Variants in SDK1 observed in about 807,000 individuals in gnomAD.
SDK1 encodes the protein sidekick cell adhesion molecule 1, also known as protein sidekick-1.
A neutral mutation model predicts 245.5 loss-of-function variants in SDK1; 157 were observed. The observed-to-expected ratio is 0.64, with a 90% CI of 0.56 to 0.73. The LOEUF is 0.73. SDK1 is among the 30% of genes least tolerant of loss of function. The pLI, the probability that SDK1 is intolerant of heterozygous loss-of-function variation, is 0.00. For missense variants in SDK1, 3,583 were observed against 3,002.3 expected, an observed-to-expected ratio of 1.19 and a Z score of -4.52; for synonymous variants, 1,647 against 1,278.5, an observed-to-expected ratio of 1.29 and a Z score of -6.15.
intron 28 of SDK1, chr7:4,134,616 C>G (rs1225277144): frequency 6.6e-6 from 1 of 152,344 alleles, no homozygotes; most frequent in Non-Finnish European, 1.5e-5. Flanking sequence ...CAACAGTGTT[C>G]CCCGTGAAGA....
In SDK1 at chr7:4,205,979, C is replaced by T; in HGVS notation, c.5199C>T (p.Asn1733=). 4 of 1,551,604 alleles carry T rather than the reference C, an allele frequency of 2.6e-6. No individual in the cohort carries two copies. The highest frequency in any genetic ancestry group is 2.6e-6 in the Non-Finnish European group (3 of 1,147,418). Reference sequence around the variant, plus strand: ...CACCCCCGGAGAGCCAGAATGGGAACATCCAAGGCTACAAGGCAAGGCCCT... The same window carrying T: ...CACCCCCGGAGAGCCAGAATGGGAATATCCAAGGCTACAAGGCAAGGCCCT... ...DPPPPESQNG[N]IQGYKIYYWE... Residue 1733 remains asparagine, a synonymous_variant, in exon 36 of 45, where the codon AAC becomes AAT. Transcript: ENST00000404826.
At chr7:3,646,346 G>T (rs1469672778) in intron 4 of SDK1, among the ~76,000 whole-genome samples, 1 of 151,800 alleles carries the variant, frequency 6.6e-6, no homozygotes, top group Non-Finnish European at 1.5e-5. Context: ...AAGGGAAACA[G>T]TAAGTCTAAT....
chr7:3,935,409 A>C (rs151052432), intron 5 of SDK1, among the ~76,000 whole-genome samples: 119 of 152,378 alleles, frequency 7.8e-4, no homozygotes, highest in African/African-American at 2.7e-3. Context: ...ACTCTTCTGT[A>C]TCAAAGGACA....
At position 3,819,823 on chromosome 7, in the gene SDK1, C is replaced by CA. The variant is rs560873848; in HGVS notation, c.714-1625dup. ...ATAATTTTATATAATGTGTAAAAAT[C>CA]AAGAGTTTTTGAAAAAGCTCTGCAA... On this transcript the variant is annotated intron_variant, in intron 4 of 44. Coordinates refer to ENST00000404826, the MANE Select transcript of SDK1 (RefSeq NM_152744.4). Among the ~76,000 whole-genome samples, 425 of 152,076 alleles carry CA rather than the reference C, an allele frequency of 2.8e-3. 1 individual carries two copies. The highest frequency in any genetic ancestry group is 9.9e-3 in the African/African-American group (410 of 41,492).
chr7:3,427,322 C>T (rs976100062), intron 1 of SDK1, among the ~76,000 whole-genome samples: 1 of 151,994 alleles, frequency 6.6e-6, no homozygotes, highest in African/African-American at 2.4e-5. Context: ...AGTTCGAGAC[C>T]AGCCTGGCCA....
intron 1 of SDK1, among the ~76,000 whole-genome samples, chr7:3,350,426 TA>T (rs1463710971): frequency 2.0e-5 from 3 of 152,210 alleles, no homozygotes; most frequent in Middle Eastern, 3.2e-3. Context: ...CATAACTGAT[TA>T]TTATCTGCTC....
At chr7:3,582,315 T>C (rs1413023645) in intron 1 of SDK1, among the ~76,000 whole-genome samples, 4 of 141,678 alleles carry the variant, frequency 2.8e-5, no homozygotes, top group African/African-American at 1.1e-4. Flanking sequence ...CTCAGGTAGG[T>C]CTGTCTCAGG....
intron 1 of SDK1, among the ~76,000 whole-genome samples, chr7:3,581,637 C>T (rs772415298): frequency 2.0e-5 from 3 of 152,150 alleles, no homozygotes; most frequent in Non-Finnish European, 2.9e-5. Context: ...CCAGGAATCC[C>T]ATTAATGGGT....
intron 1 of SDK1, among the ~76,000 whole-genome samples, chr7:3,438,847 ATATTTT>A (rs578108426): frequency 1.8e-5 from 2 of 110,112 alleles, no homozygotes; most frequent in East Asian, 2.4e-4. Context: ...CTTTGTATTA[ATATTTT>A]TTTTTTTTTT....
chr7:4,145,783 C>G lies in SDK1; in HGVS notation c.4290C>G (p.Val1430=), dbSNP rs374223058. The G allele has an allele frequency of 1.9e-6, 3 of 1,613,628 alleles. No homozygotes were observed. Among genetic ancestry groups the G allele is most frequent in the Non-Finnish European group, 2.5e-6 (3 of 1,179,814 alleles). The change falls in exon 29 of 45, where the codon GTC becomes GTG. Residue 1430 remains valine (V), a synonymous_variant. Coordinates refer to ENST00000404826, the MANE Select transcript of SDK1 (RefSeq NM_152744.4). ...SSPHTFTTVE[V]GATVRQFTAT... is the part of the protein sequence containing the mutation. Reference sequence around the variant, plus strand: ...CCCACACCTTCACCACCGTGGAGGTCGGCGCCACAGTGAGGCAGTTCACAG... The same window carrying G: ...CCCACACCTTCACCACCGTGGAGGTGGGCGCCACAGTGAGGCAGTTCACAG...
rs760229481 is a variant in SDK1, at chr7:4,010,925, A to G, written c.2132-41A>G. On this transcript the variant is annotated intron_variant, in intron 14 of 44. Coordinates refer to ENST00000404826, the MANE Select transcript of SDK1 (RefSeq NM_152744.4). ...ATTCACCTCTTATTATTCAGACATGATAAGCCTGTGGGCTTGAATTCGTTT... is the reference window on the plus strand; with the variant it reads ...ATTCACCTCTTATTATTCAGACATGGTAAGCCTGTGGGCTTGAATTCGTTT... The G allele has an allele frequency of 2.5e-6, 4 of 1,609,136 alleles. No homozygotes were observed. In the African/African-American group the frequency reaches 5.3e-5, roughly 21 times the overall value.
intron 4 of SDK1, among the ~76,000 whole-genome samples, chr7:3,720,721 A>T (rs1785343165): frequency 1.3e-5 from 2 of 152,194 alleles, no homozygotes; most frequent in Non-Finnish European, 2.9e-5. Context: ...TTACTTTATG[A>T]TCCTTTGCAA....
intron 30 of SDK1, among the ~76,000 whole-genome samples, chr7:4,150,545 C>T (rs1262851296): frequency 2.0e-5 from 3 of 152,216 alleles, no homozygotes; most frequent in African/African-American, 4.8e-5. Context: ...TCAGAAAAGT[C>T]GGTCATTTGC....
At chr7:3,995,031 T>C (rs986783959) in intron 14 of SDK1, among the ~76,000 whole-genome samples, 1 of 152,178 alleles carries the variant, frequency 6.6e-6, no homozygotes, top group African/African-American at 2.4e-5. Context: ...CCAGCCCTAC[T>C]TCTTCCGTAT....
In SDK1 at chr7:3,340,156, A is replaced by C. The variant is rs78569600; in HGVS notation, c.298+38272A>C. On this transcript the variant is annotated intron_variant, in intron 1 of 44. Transcript: ENST00000404826. ...TTTTCTCAAAAACTAAAACTTAATA[A>C]AACTCAACCAAGACAAAATAGACAA... is the stretch of plus-strand genomic sequence containing the variant. Among the ~76,000 whole-genome samples the C allele has an allele frequency of 9.2e-3, 1,405 of 152,098 alleles. 24 individuals carry two copies. The highest frequency in any genetic ancestry group is 0.032 in the African/African-American group (1,320 of 41,482).
At chr7:3,812,315 T>G (rs1358609479) in intron 4 of SDK1, among the ~76,000 whole-genome samples, 2 of 152,202 alleles carry the variant, frequency 1.3e-5, no homozygotes, top group Non-Finnish European at 2.9e-5. Flanking sequence ...CTACACACTG[T>G]TTGGCTCTGT....
intron 1 of SDK1, among the ~76,000 whole-genome samples, chr7:3,574,320 G>A (rs1040716133): frequency 1.3e-5 from 2 of 151,884 alleles, no homozygotes; most frequent in Non-Finnish European, 2.9e-5. Flanking sequence ...GTTTCACCAT[G>A]TTGGCCAGGC....
chr7:3,359,127 A>G (rs1011443552), intron 1 of SDK1, among the ~76,000 whole-genome samples: 11 of 152,152 alleles, frequency 7.2e-5, no homozygotes, highest in Admixed American at 5.9e-4. Flanking sequence ...ACGCAGGTCA[A>G]TTGGAGTCCC....
chr7:3,882,042 C>T (rs567873817), intron 5 of SDK1, among the ~76,000 whole-genome samples: 12 of 152,160 alleles, frequency 7.9e-5, no homozygotes, highest in African/African-American at 1.9e-4. Flanking sequence ...ACAATCATGG[C>T]GGAAGGCAAA....
Sources: allele counts gnomAD v4.1 joint callset (sites outside exome capture counted in the v4.1 genomes callset), GRCh38; gene constraint gnomAD v4.1.1; transcripts MANE v1.5; gene names NCBI Gene and HGNC (gene_info 2026-07-23, HGNC 2026-07-21).